Variants in C8orf90 observed in about 807,000 individuals in gnomAD.
The protein encoded by C8orf90 is chromosome 8 open reading frame 90, also known as uncharacterized protein C8orf90.
the C8orf90 span, chr8:141,518,296 A>T: frequency 1.5e-6 from 1 of 662,620 alleles, no homozygotes; most frequent in Admixed American, 2.2e-5. Context: ...TTTCCGCGGC[A>T]TCGGGCGCGC....
chr8:141,518,074 A>C, the C8orf90 span: 1 of 505,978 alleles, frequency 2.0e-6, no homozygotes, highest in Non-Finnish European at 3.5e-6. Flanking sequence ...GGCCATCCCC[A>C]GCTCTGCCTT....
chr8:141,515,187 T>TATCCACCC, the C8orf90 span, among the ~76,000 whole-genome samples: 1 of 32,904 alleles, frequency 3.0e-5, no homozygotes, highest in African/African-American at 1.1e-4. Flanking sequence ...CTCACCCATC[T>TATCCACCC]ATCCACCCAT....
chr8:141,517,376 T>C, the C8orf90 span, among the ~76,000 whole-genome samples: 71 of 66,322 alleles, frequency 1.1e-3, no homozygotes, highest in African/African-American at 2.4e-3. Context: ...CACTTCAGTA[T>C]CCCTACAGCT....
the C8orf90 span, chr8:141,518,131 G>T: frequency 9.6e-6 from 5 of 521,514 alleles, no homozygotes; most frequent in African/African-American, 6.1e-5. Context: ...CTCTCTTCGC[G>T]CCCGGCCTCC....
At chr8:141,516,626 C>A in the C8orf90 span, among the ~76,000 whole-genome samples, 1 of 152,130 alleles carries the variant, frequency 6.6e-6, no homozygotes. Context: ...CGCTTCTGCC[C>A]TTTCTAACCC....
At chr8:141,518,486 C>G in the C8orf90 span, 1 of 636,762 alleles carries the variant, frequency 1.6e-6, no homozygotes, top group Non-Finnish European at 2.8e-6. Context: ...GCTTCGCCCC[C>G]AGCGCTGCTG....
At chr8:141,514,704 C>T in the C8orf90 span, 3 of 701,638 alleles carry the variant, frequency 4.3e-6, no homozygotes, top group Non-Finnish European at 7.8e-6. Context: ...GGCATGGCCT[C>T]CTCTTGTCCT....
At chr8:141,515,218 CCACCCA>C in the C8orf90 span, among the ~76,000 whole-genome samples, 10 of 108,646 alleles carry the variant, frequency 9.2e-5, no homozygotes, top group African/African-American at 1.2e-4. Flanking sequence ...ATTCACCCAC[CCACCCA>C]TCCATCCATC....
the C8orf90 span, among the ~76,000 whole-genome samples, chr8:141,515,168 A>G: frequency 6.6e-6 from 1 of 151,600 alleles, no homozygotes; most frequent in Admixed American, 6.6e-5. Context: ...GCAGCCAGCC[A>G]TCCATTCACT....
the C8orf90 span, among the ~76,000 whole-genome samples, chr8:141,516,377 C>A: frequency 3.9e-5 from 6 of 152,204 alleles, no homozygotes; most frequent in African/African-American, 1.4e-4. Flanking sequence ...CCACTCTCAC[C>A]GGGTTTTAAT....
the C8orf90 span, chr8:141,518,116 G>A: frequency 8.4e-5 from 44 of 522,388 alleles, no homozygotes; most frequent in South Asian, 7.9e-4. Flanking sequence ...TTCCAGACTG[G>A]CCACCTCTCT....
At chr8:141,517,622 G>A in the C8orf90 span, among the ~76,000 whole-genome samples, 7 of 152,154 alleles carry the variant, frequency 4.6e-5, no homozygotes, top group South Asian at 2.1e-4. Context: ...TCCAGGCTGC[G>A]AGCCAGGCTG....
At chr8:141,515,566 C>G in the C8orf90 span, among the ~76,000 whole-genome samples, 1 of 151,900 alleles carries the variant, frequency 6.6e-6, no homozygotes, top group Admixed American at 6.6e-5. Context: ...GTCCCCTTGT[C>G]CCCACCGCAC....
At chr8:141,518,394 G>A in the C8orf90 span, 1 of 673,518 alleles carries the variant, frequency 1.5e-6, no homozygotes, top group African/African-American at 1.9e-5. Flanking sequence ...CCTGGCCGCC[G>A]GGGTCCGACC....
At chr8:141,516,585 T>G in the C8orf90 span, among the ~76,000 whole-genome samples, 1 of 152,140 alleles carries the variant, frequency 6.6e-6, no homozygotes, top group Non-Finnish European at 1.5e-5. Flanking sequence ...CTTGACCTGG[T>G]CAGGAGGGAG....
the C8orf90 span, among the ~76,000 whole-genome samples, chr8:141,517,450 C>A: frequency 7.1e-6 from 1 of 140,018 alleles, no homozygotes; most frequent in Non-Finnish European, 1.6e-5. Flanking sequence ...AATGGAGGAC[C>A]TAGATTTGGG....
the C8orf90 span, chr8:141,514,923 G>T: frequency 1.7e-6 from 1 of 601,138 alleles, no homozygotes; most frequent in Non-Finnish European, 3.0e-6. Context: ...GGGCCAGGAT[G>T]GGGGCATGCG....
the C8orf90 span, chr8:141,518,071 C>T: frequency 9.8e-6 from 5 of 511,490 alleles, no homozygotes; most frequent in Middle Eastern, 1.0e-3. Context: ...CCTGGCCATC[C>T]CCAGCTCTGC....
chr8:141,517,138 A>G, the C8orf90 span, among the ~76,000 whole-genome samples: 1 of 152,188 alleles, frequency 6.6e-6, no homozygotes, highest in African/African-American at 2.4e-5. Flanking sequence ...TCTGTGTATG[A>G]CTTCTCTGGG....
Sources: gnomAD v4.1 joint callset for allele counts (sites outside exome capture counted in the v4.1 genomes callset) on GRCh38, gnomAD v4.1.1 for gene constraint, MANE v1.5 for transcripts, NCBI Gene and HGNC (gene_info 2026-07-23, HGNC 2026-07-21) for gene names.